Variants in CSPP1 observed in about 807,000 individuals in gnomAD.
CSPP1 encodes centrosome and spindle pole associated protein 1.
A neutral mutation model predicts 164.4 loss-of-function variants in CSPP1; 126 were observed. The ratio of observed to expected loss-of-function variants is 0.77; its 90% confidence interval spans 0.66 to 0.89. The LOEUF is 0.89. Among genes scored for constraint, CSPP1 ranks in the 40% least tolerant of loss-of-function variants. CSPP1 has a pLI of 0.00. For missense variants in CSPP1, 1,395 were observed against 1,449.8 expected (o/e 0.96, Z 0.61); for synonymous variants, 472 against 476.7 (o/e 0.99, Z 0.13).
intron 28 of CSPP1, among the ~76,000 whole-genome samples, chr8:67,180,444 G>C (rs1324937192): frequency 1.3e-5 from 2 of 152,160 alleles, no homozygotes; most frequent in Non-Finnish European, 2.9e-5. Context: ...GATAGGGAGA[G>C]GTGTATATGG....
intron 27 of CSPP1, among the ~76,000 whole-genome samples, chr8:67,179,220 GC>G (rs1471940874): frequency 3.9e-5 from 6 of 152,032 alleles, no homozygotes; most frequent in Non-Finnish European, 1.5e-5. Flanking sequence ...TAATTTGGGA[GC>G]TCATTATAAT....
At chr8:67,099,746 G>A (rs1356441353) in intron 7 of CSPP1, among the ~76,000 whole-genome samples, 2 of 152,104 alleles carry the variant, frequency 1.3e-5, no homozygotes, top group Non-Finnish European at 2.9e-5. Flanking sequence ...AGTTCTGGGT[G>A]ATTAAATGCT....
intron 15 of CSPP1, among the ~76,000 whole-genome samples, chr8:67,126,531 A>G (rs934373548): frequency 6.6e-6 from 1 of 152,282 alleles, no homozygotes; most frequent in Admixed American, 6.5e-5. Context: ...CTCCCAGCCT[A>G]TGCCAACTGG....
intron 28 of CSPP1, among the ~76,000 whole-genome samples, chr8:67,189,761 T>TC (rs769292533): frequency 6.6e-6 from 1 of 152,032 alleles, no homozygotes; most frequent in South Asian, 2.1e-4. Context: ...AATAACATCA[T>TC]CCCCCCAAAT....
chr8:67,150,403 A>G (rs1484663399), intron 18 of CSPP1, among the ~76,000 whole-genome samples: 1 of 151,734 alleles, frequency 6.6e-6, no homozygotes, highest in Admixed American at 6.6e-5. Context: ...AAATGAAGCA[A>G]TGTTGTTTTT....
Position 67,137,463 on chromosome 8 carries a change from A to G in CSPP1, c.1835A>G (p.Glu612Gly). The G allele has an allele frequency of 6.6e-7, 1 of 1,515,756 alleles. No homozygotes were observed. The highest frequency in any genetic ancestry group is 9.0e-7 in the Non-Finnish European group (1 of 1,115,788). The allele number at this position is 1,515,756 out of a possible 1,614,324, so 93.9% of individuals were successfully genotyped here. A position where few individuals can be genotyped will look rare whatever the true frequency, so the allele number is the denominator to read the frequency against. The change falls in exon 17 of 31, where the codon GAA (glutamate) becomes GGA (glycine). Residue 612 changes from glutamate to glycine, a missense_variant. Glu to Gly is a moderately conservative substitution (Grantham distance 98). Transcript: ENST00000678616. Reference sequence around the variant, plus strand: ...ATATCTTATGTTGTCAAGATTCGGGAAAGAGAAGAAAGAAGGAAGAAAGAA... The same window carrying G: ...ATATCTTATGTTGTCAAGATTCGGGGAAGAGAAGAAAGAAGGAAGAAAGAA... Reference protein sequence around the residue: ...YQEALQQQIREREERRKKERE... With the variant: ...YQEALQQQIRGREERRKKERE...
rs146394514 is a variant in CSPP1 at position 67,154,801 on chromosome 8, TAA to T, written c.2241+666_2241+667del. On this transcript the variant is annotated intron_variant, in intron 19 of 30. Coordinates refer to ENST00000678616, the MANE Select transcript of CSPP1 (RefSeq NM_001382391.1). ...CAGGTGTAAGCCACCACGCCCAGCC[TAA>T]GTCATTAATTTTAAATCAAAGAATG... 1.7e-3 allele frequency among the ~76,000 whole-genome samples: 266 copies of T among 152,342 alleles called. 2 individuals are homozygous for T. The highest frequency in any genetic ancestry group is 6.3e-3 in the African/African-American group (261 of 41,590).
chr8:67,065,058 G>T (rs1805257489), intron 1 of CSPP1: 1 of 153,614 alleles, frequency 6.5e-6, no homozygotes, highest in Non-Finnish European at 1.5e-5. Flanking sequence ...CCCCTGCTCC[G>T]TCAAGCCTCC....
chr8:67,191,925 T>G (rs967620800), intron 29 of CSPP1, among the ~76,000 whole-genome samples: 2 of 152,210 alleles, frequency 1.3e-5, no homozygotes, highest in Non-Finnish European at 2.9e-5. Flanking sequence ...TCTTTTGATT[T>G]TAGCCATCTA....
intron 16 of CSPP1, 64 bp downstream of exon 16, chr8:67,132,144 G>T: frequency 6.8e-7 from 1 of 1,475,896 alleles, no homozygotes; most frequent in Non-Finnish European, 9.1e-7. Context: ...GTCCCTTAGA[G>T]CTCAGAGTGT....
At chr8:67,172,010 G>C (rs1319578557) in intron 24 of CSPP1, among the ~76,000 whole-genome samples, 3 of 150,960 alleles carry the variant, frequency 2.0e-5, no homozygotes, top group Non-Finnish European at 4.4e-5. Context: ...ATCACACCCA[G>C]CTAATTTTTG....
intron 21 of CSPP1, among the ~76,000 whole-genome samples, chr8:67,159,593 G>T (rs530782793): frequency 7.6e-6 from 1 of 132,174 alleles, no homozygotes; most frequent in South Asian, 2.4e-4. Flanking sequence ...CACAATTTTG[G>T]CTCACTGCAC....
chr8:67,110,609 T>G (rs1431218765), intron 9 of CSPP1, among the ~76,000 whole-genome samples: 1 of 152,226 alleles, frequency 6.6e-6, no homozygotes, highest in Non-Finnish European at 1.5e-5. Flanking sequence ...ATTGGATCTT[T>G]GCTCCATAAC....
chr8:67,118,917 C>A (rs1296807659), intron 15 of CSPP1, 96 bp downstream of exon 15: 1 of 780,696 alleles, frequency 1.3e-6, no homozygotes, highest in Non-Finnish European at 2.2e-6. Flanking sequence ...TTAGAGTATA[C>A]TATTTAGTGG....
chr8:67,187,726 T>C (rs1221430963), intron 28 of CSPP1, among the ~76,000 whole-genome samples: 5 of 152,052 alleles, frequency 3.3e-5, no homozygotes. Context: ...AGTCAGCTGA[T>C]CTCTGACAGA....
Position 67,112,084 on chromosome 8 carries a change from T to A in CSPP1, c.1187+19T>A, listed in dbSNP as rs765056929. ...AGAGACGGTAATGAAAGGTTTGCAT[T>A]TAAAAGAGATATTTTGAGTTTAAAG... On this transcript the variant is annotated intron_variant, in intron 10 of 30. Coordinates refer to ENST00000678616, the MANE Select transcript of CSPP1 (RefSeq NM_001382391.1). The A allele has an allele frequency of 1.9e-6, 3 of 1,556,628 alleles. No individual in the cohort carries two copies. The highest frequency in any genetic ancestry group is 1.8e-6 in the Non-Finnish European group (2 of 1,132,896).
chr8:67,113,366 T>C (rs1208314025), intron 10 of CSPP1, among the ~76,000 whole-genome samples: 4 of 152,184 alleles, frequency 2.6e-5, no homozygotes, highest in African/African-American at 9.7e-5. Flanking sequence ...AGCCAATATC[T>C]ACTGTTTGAT....
At chr8:67,074,129 A>T (rs935680172) in intron 1 of CSPP1, 114 bp from the exon 2 acceptor site, 2 of 615,922 alleles carry the variant, frequency 3.2e-6, no homozygotes, top group Non-Finnish European at 5.7e-6. Flanking sequence ...TTAAGTTTGA[A>T]TTTCTCAATT....
At position 67,111,979 on chromosome 8, in the gene CSPP1, A is replaced by G. The variant is rs768714635; in HGVS notation, c.1101A>G (p.Glu367=). The part of the protein sequence containing the change: ...SPFAGMLFGG[E]DRELIQRRKE... ...TCTCATACCACTATCTAGGAGGTGA[A>G]GATCGAGAACTTATTCAGAGAAGGA... Residue 367 remains glutamate (E), a synonymous_variant, in exon 10 of 31, where the codon GAA becomes GAG. Transcript: ENST00000678616. 2.5e-6 allele frequency: 4 copies of G among 1,604,106 alleles called. No individual in the cohort carries two copies. Among genetic ancestry groups the G allele is most frequent in the Non-Finnish European group, 3.4e-6 (4 of 1,172,980 alleles).
Sources: gnomAD v4.1 joint callset for allele counts (sites outside exome capture counted in the v4.1 genomes callset) on GRCh38, gnomAD v4.1.1 for gene constraint, MANE v1.5 for transcripts, NCBI Gene and HGNC (gene_info 2026-07-23, HGNC 2026-07-21) for gene names.